The following CASQ2 variants were observed in gnomAD, a reference collection of about 807,000 sequenced individuals.
CASQ2 encodes the protein calsequestrin-2.
Under a neutral mutation model 46.5 loss-of-function variants are expected in CASQ2, and 49 were observed. The observed-to-expected ratio is 1.05, with a 90% confidence interval of 0.84 to 1.34. The LOEUF (loss-of-function observed/expected upper bound fraction) is 1.34. CASQ2 is among the 40% of genes most tolerant of loss of function. The probability of loss-of-function intolerance (pLI) is 0.00; values close to 1 mark genes in which losing one functional copy is unlikely to be tolerated. For missense variants in CASQ2, 486 were observed against 481.3 expected, an observed-to-expected ratio of 1.01 and a Z score of -0.09; for synonymous variants, 174 against 168.5, an observed-to-expected ratio of 1.03 and a Z score of -0.25.
At chr1:115,743,197 GTTTA>G (rs61424506) in intron 2 of CASQ2, among the ~76,000 whole-genome samples, 1,249 of 36,406 alleles carry the variant, frequency 0.034, 15 homozygotes, top group South Asian at 0.2. Flanking sequence ...CTTTATTTTT[GTTTA>G]TTTATTTATT....
intron 1 of CASQ2, among the ~76,000 whole-genome samples, chr1:115,762,436 T>TC (rs1648995642): frequency 1.3e-5 from 2 of 152,118 alleles, no homozygotes; most frequent in African/African-American, 4.8e-5. Context: ...CCTGAAAAAA[T>TC]CCCCCATAGC....
At position 115,714,419 on chromosome 1, in the gene CASQ2, C is replaced by T. The variant is rs138897242; in HGVS notation, c.838+3421G>A. Among the ~76,000 whole-genome samples the T allele has an allele frequency of 2.9e-3, 437 of 152,332 alleles. 5 individuals carry two copies. Among genetic ancestry groups the T allele is most frequent in the African/African-American group, 9.6e-3 (400 of 41,572 alleles). On this transcript the variant is annotated intron_variant, in intron 8 of 10. Coordinates refer to ENST00000261448, the MANE Select transcript of CASQ2 (RefSeq NM_001232.4). The stretch of plus-strand genomic sequence containing the variant: ...AATAATAATCATCATGCACGTATTA[C>T]AGAGTGGCTTTAGGTGCTAAATAAG...
intron 3 of CASQ2, among the ~76,000 whole-genome samples, 183 bp downstream of exon 3, chr1:115,740,545 G>T (rs532317270): frequency 6.6e-6 from 1 of 152,288 alleles, no homozygotes; most frequent in South Asian, 2.1e-4. Context: ...GTGGCTTAAA[G>T]ATCACTTTCC....
chr1:115,718,246 G>T (rs541955614), intron 7 of CASQ2, among the ~76,000 whole-genome samples: 1 of 152,190 alleles, frequency 6.6e-6, no homozygotes, highest in Non-Finnish European at 1.5e-5. Context: ...AAGAACATGA[G>T]TCTGGTTTAT....
intron 7 of CASQ2, among the ~76,000 whole-genome samples, chr1:115,718,759 A>G (rs887813105): frequency 6.6e-6 from 1 of 152,110 alleles, no homozygotes; most frequent in African/African-American, 2.4e-5. Context: ...AACAAGGCGC[A>G]TTTCATGTCT....
chr1:115,729,095 G>A (rs2101081491), intron 5 of CASQ2, among the ~76,000 whole-genome samples: 1 of 138,800 alleles, frequency 7.2e-6, no homozygotes, highest in South Asian at 2.3e-4. Flanking sequence ...TGTTGCCCAG[G>A]CTGGGGTTCA....
At chr1:115,714,807 C>T (rs896697523) in intron 8 of CASQ2, among the ~76,000 whole-genome samples, 2 of 152,222 alleles carry the variant, frequency 1.3e-5, no homozygotes, top group African/African-American at 4.8e-5. Context: ...TAGAGCTCCT[C>T]CCTATCCCCC....
intron 2 of CASQ2, among the ~76,000 whole-genome samples, chr1:115,741,202 CA>C (rs1648164234): frequency 6.6e-6 from 1 of 152,186 alleles, no homozygotes; most frequent in African/African-American, 2.4e-5. Context: ...AATCTGTTTC[CA>C]AATCTATCCC....
chr1:115,725,431 G>T, intron 7 of CASQ2, 77 bp downstream of exon 7: 1 of 1,535,456 alleles, frequency 6.5e-7, no homozygotes, highest in Non-Finnish European at 9.0e-7. Flanking sequence ...TTGAGTTTGG[G>T]GACTTAATCT....
intron 1 of CASQ2, among the ~76,000 whole-genome samples, chr1:115,748,000 A>G (rs1648446007): frequency 6.6e-6 from 1 of 152,170 alleles, no homozygotes; most frequent in South Asian, 2.1e-4. Flanking sequence ...AGTGGTAAGA[A>G]TGTCTTGTTT....
chr1:115,703,042 T>A (rs761451877), intron 9 of CASQ2, 47 bp from the exon 10 acceptor site: 2 of 1,479,974 alleles, frequency 1.4e-6, no homozygotes, highest in Admixed American at 1.8e-5. Flanking sequence ...GAGGGCATTC[T>A]CTGTTAAGGA....
intron 7 of CASQ2, among the ~76,000 whole-genome samples, chr1:115,722,586 C>T (rs1050627690): frequency 2.0e-5 from 3 of 151,998 alleles, no homozygotes; most frequent in East Asian, 3.9e-4. Flanking sequence ...CTTCCTAGAA[C>T]CTAGATAATT....
rs748469403 is a variant in CASQ2, at chr1:115,714,130, C to T, written c.838+3710G>A. 3.3e-5 allele frequency among the ~76,000 whole-genome samples: 5 copies of T among 152,186 alleles called. No homozygotes were observed. The South Asian group carries it at 6.2e-4, about 19-fold the overall frequency. On this transcript the variant is annotated intron_variant, in intron 8 of 10. Coordinates refer to ENST00000261448, the MANE Select transcript of CASQ2 (RefSeq NM_001232.4). ...GGGCTGGGAAGCCAGACATCCTCAG[C>T]GTCATTCCAACTTCATGCTTCCCAG...
chr1:115,762,294 T>C (rs1648990671), intron 1 of CASQ2, among the ~76,000 whole-genome samples: 1 of 152,338 alleles, frequency 6.6e-6, no homozygotes, highest in East Asian at 1.9e-4. Context: ...ATACATTCAA[T>C]GATACATTCA....
At chr1:115,764,864 C>T (rs529371455) in intron 1 of CASQ2, among the ~76,000 whole-genome samples, 1 of 152,282 alleles carries the variant, frequency 6.6e-6, no homozygotes, top group South Asian at 2.1e-4. Context: ...GTTCTCACGA[C>T]AGAATTCAGA....
At chr1:115,728,154 G>C (rs894887668) in intron 5 of CASQ2, among the ~76,000 whole-genome samples, 1 of 152,172 alleles carries the variant, frequency 6.6e-6, no homozygotes. Flanking sequence ...CGTGACCCAG[G>C]GCGGCTGCAA....
chr1:115,725,953 T>C (rs573073399), intron 6 of CASQ2, among the ~76,000 whole-genome samples: 1 of 152,346 alleles, frequency 6.6e-6, no homozygotes, highest in East Asian at 1.9e-4. Context: ...TCGGATTTTG[T>C]AGGTTAAAAC....
At chr1:115,756,209 C>T (rs1007155582) in intron 1 of CASQ2, among the ~76,000 whole-genome samples, 1 of 152,170 alleles carries the variant, frequency 6.6e-6, no homozygotes, top group East Asian at 1.9e-4. Flanking sequence ...GCTCCTGGAA[C>T]TGGCACTCCG....
intron 1 of CASQ2, among the ~76,000 whole-genome samples, chr1:115,749,581 C>T (rs1648504542): frequency 6.6e-6 from 1 of 152,164 alleles, no homozygotes; most frequent in Non-Finnish European, 1.5e-5. Context: ...TCACTCTTGC[C>T]TCCCACGCTG....
Sources: gnomAD v4.1 joint callset for allele counts (sites outside exome capture counted in the v4.1 genomes callset) on GRCh38, gnomAD v4.1.1 for gene constraint, MANE v1.5 for transcripts, NCBI Gene and HGNC (gene_info 2026-07-23, HGNC 2026-07-21) for gene names.